The following AUTS2 variants were observed in gnomAD, a reference collection of about 807,000 sequenced individuals.
AUTS2 encodes the protein autism susceptibility gene 2 protein.
A neutral mutation model predicts 112.4 loss-of-function variants in AUTS2; 17 were observed. The observed-to-expected ratio is 0.15, with a 90% CI of 0.10 to 0.23. The LOEUF (loss-of-function observed/expected upper bound fraction) is 0.23, where lower values mean the gene tolerates loss of function less well. Ranked by LOEUF, AUTS2 falls within the 10% of genes least tolerant of loss-of-function variation. The pLI, the probability that AUTS2 is intolerant of heterozygous loss-of-function variation, is 1.00. For synonymous variants in AUTS2, 751 were observed against 702.7 expected (o/e 1.07, Z -1.09); for missense variants, 1,510 against 1,701.6 (o/e 0.89, Z 1.98).
chr7:70,521,580 C>A (rs944367737), intron 5 of AUTS2, among the ~76,000 whole-genome samples: 2 of 152,186 alleles, frequency 1.3e-5, no homozygotes, highest in Non-Finnish European at 2.9e-5. Context: ...CTCAGTCCTA[C>A]CTACAAAATA....
intron 4 of AUTS2, among the ~76,000 whole-genome samples, chr7:70,265,791 T>A (rs1478459458): frequency 6.6e-6 from 1 of 152,196 alleles, no homozygotes; most frequent in East Asian, 1.9e-4. Flanking sequence ...AGTTGACAAG[T>A]CTAATTTTTT....
chr7:70,663,971 C>T (rs141964551), intron 5 of AUTS2, among the ~76,000 whole-genome samples: 1 of 152,260 alleles, frequency 6.6e-6, no homozygotes, highest in Admixed American at 6.5e-5. Context: ...AAATTGAACT[C>T]AAATACCCAG....
chr7:69,842,830 A>G (rs1792038892), intron 1 of AUTS2, among the ~76,000 whole-genome samples: 1 of 152,158 alleles, frequency 6.6e-6, no homozygotes, highest in African/African-American at 2.4e-5. Context: ...AGCATCACCA[A>G]AAATAGATGA....
chr7:70,640,558 A>G (rs1033431379), intron 5 of AUTS2, among the ~76,000 whole-genome samples: 4 of 146,872 alleles, frequency 2.7e-5, no homozygotes, highest in African/African-American at 1.0e-4. Flanking sequence ...TTCTGTGATT[A>G]GCTCAGAACT....
At chr7:70,575,419 C>G (rs936848681) in intron 5 of AUTS2, among the ~76,000 whole-genome samples, 2 of 152,126 alleles carry the variant, frequency 1.3e-5, no homozygotes, top group East Asian at 3.9e-4. Flanking sequence ...CCACCTCCAC[C>G]CCCACCCTCA....
At chr7:70,132,306 G>A (rs2129574691) in intron 3 of AUTS2, among the ~76,000 whole-genome samples, 1 of 151,896 alleles carries the variant, frequency 6.6e-6, no homozygotes, top group East Asian at 1.9e-4. Context: ...TTGTGTCTGT[G>A]TTCCCTCGTG....
chr7:70,113,191 A>G (rs1805175060), intron 2 of AUTS2, among the ~76,000 whole-genome samples: 1 of 152,114 alleles, frequency 6.6e-6, no homozygotes. Flanking sequence ...TAAAGATACA[A>G]TATAGTTTTC....
At chr7:70,689,395 GA>G (rs938890223) in intron 5 of AUTS2, among the ~76,000 whole-genome samples, 43 of 151,280 alleles carry the variant, frequency 2.8e-4, no homozygotes, top group African/African-American at 1.0e-3. Flanking sequence ...AAAAGAAAAA[GA>G]AACACCCTTA....
At chr7:70,157,381 C>T (rs1439324460) in intron 4 of AUTS2, among the ~76,000 whole-genome samples, 7 of 152,102 alleles carry the variant, frequency 4.6e-5, no homozygotes, top group African/African-American at 1.4e-4. Context: ...TGGGCTTAAG[C>T]GATCCTCCTA....
chr7:70,371,170 G>A (rs1048843284), intron 4 of AUTS2, among the ~76,000 whole-genome samples: 1 of 152,138 alleles, frequency 6.6e-6, no homozygotes, highest in African/African-American at 2.4e-5. Flanking sequence ...CACGAAGTTA[G>A]GTTCACCTGA....
chr7:69,711,554 A>G (rs912785566), intron 1 of AUTS2, among the ~76,000 whole-genome samples: 4 of 152,216 alleles, frequency 2.6e-5, no homozygotes, highest in African/African-American at 7.2e-5. Context: ...ATATATTAGT[A>G]TAGAATAAAT....
intron 1 of AUTS2, among the ~76,000 whole-genome samples, chr7:69,729,714 A>T (rs145837623): frequency 6.6e-6 from 1 of 152,224 alleles, no homozygotes; most frequent in Non-Finnish European, 1.5e-5. Flanking sequence ...TGTGTAGAAT[A>T]GTCACAAGGT....
At chr7:70,773,298 T>C (rs1790476932) in intron 11 of AUTS2, among the ~76,000 whole-genome samples, 1 of 152,214 alleles carries the variant, frequency 6.6e-6, no homozygotes, top group Non-Finnish European at 1.5e-5. Flanking sequence ...GCTGGTGTCG[T>C]GTCCTGAATC....
At chr7:70,463,885 G>A (rs1292189153) in intron 5 of AUTS2, among the ~76,000 whole-genome samples, 4 of 152,220 alleles carry the variant, frequency 2.6e-5, no homozygotes, top group African/African-American at 7.2e-5. Context: ...TCACCTAATG[G>A]TAGTTTGTCA....
intron 5 of AUTS2, among the ~76,000 whole-genome samples, chr7:70,681,045 A>G (rs1808179656): frequency 6.6e-6 from 1 of 152,174 alleles, no homozygotes; most frequent in African/African-American, 2.4e-5. Context: ...GAGGAACTTC[A>G]AAGGAGGCAC....
At chr7:70,077,763 A>G (rs779913887) in intron 2 of AUTS2, among the ~76,000 whole-genome samples, 6 of 151,850 alleles carry the variant, frequency 4.0e-5, no homozygotes, top group Non-Finnish European at 8.8e-5. Flanking sequence ...ATCAGGCTGC[A>G]CTCTCTGACC....
chr7:69,643,252 A>C (rs1414493327), intron 1 of AUTS2: 1 of 152,376 alleles, frequency 6.6e-6, no homozygotes, highest in Non-Finnish European at 1.5e-5. Flanking sequence ...TCACATAATC[A>C]TGTATACATA....
At chr7:70,433,001 C>T (rs915758487) in intron 4 of AUTS2, among the ~76,000 whole-genome samples, 11 of 152,256 alleles carry the variant, frequency 7.2e-5, no homozygotes, top group African/African-American at 2.2e-4. Context: ...CATTTTTAAT[C>T]GGCTTGGCAT....
intron 17 of AUTS2, among the ~76,000 whole-genome samples, chr7:70,786,714 C>G (rs1264001578): frequency 1.3e-5 from 2 of 152,180 alleles, no homozygotes; most frequent in East Asian, 3.9e-4. Flanking sequence ...CGTCACAGGT[C>G]GGTCTTTATT....
Sources: allele counts gnomAD v4.1 joint callset (sites outside exome capture counted in the v4.1 genomes callset), GRCh38; gene constraint gnomAD v4.1.1; transcripts MANE v1.5; gene names NCBI Gene and HGNC (gene_info 2026-07-23, HGNC 2026-07-21).